CSGALNACT1: variants seen among roughly 807,000 people sequenced by gnomAD.
The protein encoded by CSGALNACT1 is beta4GalNAcT-1.
A neutral mutation model predicts 51.0 loss-of-function variants in CSGALNACT1; 52 were observed. The observed-to-expected ratio is 1.02, with a 90% confidence interval of 0.82 to 1.29. CSGALNACT1 has a LOEUF of 1.29. CSGALNACT1 is among the 50% of genes most tolerant of loss of function. The pLI is 0.00. For synonymous variants in CSGALNACT1, 341 were observed against 254.4 expected (o/e 1.34, Z -3.24); for missense variants, 935 against 679.2 (o/e 1.38, Z -4.19).
At chr8:19,490,365 A>C (rs185359189) in intron 4 of CSGALNACT1, among the ~76,000 whole-genome samples, 1 of 152,216 alleles carries the variant, frequency 6.6e-6, no homozygotes, top group East Asian at 1.9e-4. Context: ...CACTTTTGAC[A>C]GTAGGGTCTT....
intron 3 of CSGALNACT1, among the ~76,000 whole-genome samples, chr8:19,575,815 AG>A (rs1191233800): frequency 6.6e-6 from 1 of 152,200 alleles, no homozygotes; most frequent in Admixed American, 6.5e-5. Flanking sequence ...GCGGAGGCTT[AG>A]ATGAAGTAAG....
intron 3 of CSGALNACT1, among the ~76,000 whole-genome samples, chr8:19,514,475 CTATATATATATATA>C (rs33928915): frequency 0.01 from 792 of 78,794 alleles, 21 homozygotes; most frequent in Middle Eastern, 0.017. Context: ...TGAACAGAGA[CTATATATATATATA>C]TATATATATA....
At chr8:19,658,538 AGCC>A (rs1006009133) in intron 1 of CSGALNACT1, among the ~76,000 whole-genome samples, 2 of 152,168 alleles carry the variant, frequency 1.3e-5, no homozygotes, top group African/African-American at 4.8e-5. Context: ...GTTTGAGACC[AGCC>A]TGGCCAACAT....
chr8:19,514,551 T>G (rs1008488119), intron 3 of CSGALNACT1, among the ~76,000 whole-genome samples: 7 of 141,668 alleles, frequency 4.9e-5, no homozygotes, highest in African/African-American at 1.9e-4. Context: ...CCAGGCACAG[T>G]GGCTCTCGCC....
chr8:19,732,194 C>A (rs987180695), intron 1 of CSGALNACT1, among the ~76,000 whole-genome samples: 20 of 152,130 alleles, frequency 1.3e-4, no homozygotes, highest in South Asian at 2.1e-4. Context: ...ACTAGCATAA[C>A]GGTTGTGTTT....
chr8:19,675,456 A>T (rs1459195320), intron 1 of CSGALNACT1, among the ~76,000 whole-genome samples: 1 of 152,058 alleles, frequency 6.6e-6, no homozygotes. Context: ...CACAGAGAGG[A>T]GAGAGCTGGA....
At chr8:19,603,117 T>TA (rs35440306), upstream of CSGALNACT1, among the ~76,000 whole-genome samples, 4,490 of 102,020 alleles carry the variant, frequency 0.044, 264 homozygotes, top group African/African-American at 0.14. Flanking sequence ...ATGCAGGAAT[T>TA]AAAAAAAAAA....
Position 19,572,803 on chromosome 8 carries a change from G to A in CSGALNACT1, c.-297+18357C>T, listed in dbSNP as rs192286193. The stretch of plus-strand genomic sequence containing the variant: ...TGGGGTCACTGATAATTGACAGTAA[G>A]ATTTTTCATGAACATCCACAAAACA... On this transcript the variant is annotated intron_variant, in intron 3 of 9. Transcript: ENST00000454498. Among the ~76,000 whole-genome samples the A allele has an allele frequency of 3.9e-5, 6 of 152,270 alleles. No individual in the cohort carries two copies. In the East Asian group the frequency reaches 9.7e-4, roughly 25 times the overall value.
intron 6 of CSGALNACT1, among the ~76,000 whole-genome samples, chr8:19,421,004 T>C (rs1043111851): frequency 2.6e-5 from 4 of 152,194 alleles, no homozygotes; most frequent in Non-Finnish European, 5.9e-5. Context: ...TCCAAACAGA[T>C]TTAAACCCAG....
rs570536940 is a variant in CSGALNACT1, at chr8:19,576,961, C to G, written c.-297+14199G>C. Among the ~76,000 whole-genome samples the G allele has an allele frequency of 1.6e-4, 24 of 152,250 alleles. No homozygotes were observed. In the South Asian group the frequency reaches 3.1e-3, roughly 20 times the overall value. On this transcript the variant is annotated intron_variant, in intron 3 of 9. Coordinates refer to ENST00000454498, the Ensembl canonical transcript of CSGALNACT1. ...AGAAAACACACAGCTCGCTTACCCC[C>G]CTCTTAGACACCCCGCAAATTACAT...
chr8:19,471,516 T>C (rs2068165531), intron 4 of CSGALNACT1, among the ~76,000 whole-genome samples: 1 of 152,178 alleles, frequency 6.6e-6, no homozygotes, highest in African/African-American at 2.4e-5. Flanking sequence ...CTTGCCTTAG[T>C]CTGTTTTTCT....
At chr8:19,668,339 G>C (rs994987563) in intron 1 of CSGALNACT1, among the ~76,000 whole-genome samples, 1 of 110,020 alleles carries the variant, frequency 9.1e-6, no homozygotes, top group Non-Finnish European at 2.0e-5. Context: ...TACATGCACG[G>C]TTACACACAC....
chr8:19,676,092 AAAACAAAAC>A (rs1564405021), intron 1 of CSGALNACT1, among the ~76,000 whole-genome samples: 19 of 111,786 alleles, frequency 1.7e-4, no homozygotes, highest in African/African-American at 4.6e-4. Context: ...TTTAAAAAAC[AAAACAAAAC>A]AAAAAAAACT....
chr8:19,429,309 T>C (rs564233973), intron 6 of CSGALNACT1, among the ~76,000 whole-genome samples: 1 of 152,266 alleles, frequency 6.6e-6, no homozygotes, highest in Admixed American at 6.5e-5. Flanking sequence ...CCCCAGTACC[T>C]GGGATTACAG....
chr8:19,411,269 G>C (rs910943110), intron 8 of CSGALNACT1, among the ~76,000 whole-genome samples: 1 of 152,162 alleles, frequency 6.6e-6, no homozygotes, highest in African/African-American at 2.4e-5. Context: ...TATTTTCTCT[G>C]TAACAATTCT....
intron 3 of CSGALNACT1, among the ~76,000 whole-genome samples, chr8:19,576,926 C>T (rs942147218): frequency 5.3e-5 from 8 of 152,078 alleles, no homozygotes; most frequent in Admixed American, 4.6e-4. Context: ...CAATCACTGG[C>T]CATCCAATAA....
chr8:19,660,867 A>G (rs2058690683), intron 1 of CSGALNACT1, among the ~76,000 whole-genome samples: 1 of 152,062 alleles, frequency 6.6e-6, no homozygotes, highest in East Asian at 1.9e-4. Flanking sequence ...AAACCTCCAG[A>G]ATGACCTCAT....
chr8:19,421,429 A>G (rs1357557968), intron 6 of CSGALNACT1, among the ~76,000 whole-genome samples: 1 of 152,204 alleles, frequency 6.6e-6, no homozygotes, highest in African/African-American at 2.4e-5. Context: ...TGGGACAGGT[A>G]TTGTCTTCTA....
intron 1 of CSGALNACT1, among the ~76,000 whole-genome samples, chr8:19,748,576 C>T (rs1300996982): frequency 2.6e-5 from 4 of 152,196 alleles, no homozygotes; most frequent in Admixed American, 2.0e-4. Flanking sequence ...TTACCATGTG[C>T]TGTAGCATTT....
Sources: gnomAD v4.1 joint callset for allele counts (sites outside exome capture counted in the v4.1 genomes callset) on GRCh38, gnomAD v4.1.1 for gene constraint, MANE v1.5 for transcripts, NCBI Gene and HGNC (gene_info 2026-07-23, HGNC 2026-07-21) for gene names.